The following XYLT1 variants were observed in gnomAD, a reference collection of about 807,000 sequenced individuals.
XYLT1 encodes beta-D-xylosyltransferase 1.
Under a neutral mutation model 91.3 loss-of-function variants are expected in XYLT1, and 36 were observed. The ratio of observed to expected loss-of-function variants is 0.39; its 90% confidence interval spans 0.30 to 0.52. The LOEUF (loss-of-function observed/expected upper bound fraction) is 0.52, where lower values mean the gene tolerates loss of function less well. Ranked by LOEUF, XYLT1 falls within the 20% of genes least tolerant of loss-of-function variation. The probability of loss-of-function intolerance (pLI) is 0.68; values close to 1 mark genes in which losing one functional copy is unlikely to be tolerated. For missense variants in XYLT1, 1,242 were observed against 1,284.5 expected (o/e 0.97, Z 0.51); for synonymous variants, 588 against 532.0 (o/e 1.11, Z -1.45).
At chr16:17,134,421 G>A in intron 9 of XYLT1, 52 bp downstream of exon 9, 1 of 1,600,426 alleles carries the variant, frequency 6.2e-7, no homozygotes, top group Non-Finnish European at 8.5e-7. Flanking sequence ...TGTACCCTGA[G>A]CCTCCCCTCC....
chr16:17,113,104 G>C (rs1410505667), intron 11 of XYLT1, among the ~76,000 whole-genome samples: 2 of 151,870 alleles, frequency 1.3e-5, no homozygotes, highest in African/African-American at 4.8e-5. Context: ...CTCCCAAAGT[G>C]CTGGGATTAC....
In XYLT1 at chr16:17,437,568, A is replaced by G. The variant is rs188955862; in HGVS notation, c.363+32866T>C. ...TATCTACATTGCAATGCTCAGAGTT[A>G]CATGTCTCTTGAAACGCCACCCTGC... On this transcript the variant is annotated intron_variant, in intron 1 of 11. Coordinates refer to ENST00000261381, the MANE Select transcript of XYLT1 (RefSeq NM_022166.4). Among the ~76,000 whole-genome samples the G allele has an allele frequency of 1.5e-3, 229 of 152,306 alleles. 1 individual carries two copies. Among genetic ancestry groups the G allele is most frequent in the African/African-American group, 4.9e-3 (203 of 41,564 alleles).
chr16:17,456,533 G>C (rs564650216), intron 1 of XYLT1, among the ~76,000 whole-genome samples: 2 of 151,816 alleles, frequency 1.3e-5, no homozygotes, highest in Non-Finnish European at 2.9e-5. Flanking sequence ...TAAAGACGAG[G>C]TCCCACTATG....
rs530043874 is a variant in XYLT1 at position 17,127,769 on chromosome 16, A to T, written c.2120T>A (p.Leu707Gln). Residue 707 changes from leucine (L) to glutamine (Q), a missense_variant, in exon 10 of 12, where the codon CTG (leucine) becomes CAG (glutamine). Leu to Gln is a moderately radical substitution (Grantham distance 113). This residue lies in a region of XYLT1 where 511 missense variants were observed against 497.0 expected (regional missense o/e 1.03). Coordinates refer to ENST00000261381, the MANE Select transcript of XYLT1 (RefSeq NM_022166.4). Reference sequence around the variant, plus strand: ...CAGAGTCTCTAGTTTGCTCACAGCCAGATTGGTAGCATGATGCTTGATCAG... The same window carrying T: ...CAGAGTCTCTAGTTTGCTCACAGCCTGATTGGTAGCATGATGCTTGATCAG... ...GFLIKHHATN[L>Q]AVSKLETLET... 1.2e-6 allele frequency: 2 copies of T among 1,614,212 alleles called. No individual in the cohort carries two copies. Among genetic ancestry groups the T allele is most frequent in the African/African-American group, 2.7e-5 (2 of 75,058 alleles).
chr16:17,196,685 T>A (rs1275513410), intron 5 of XYLT1, among the ~76,000 whole-genome samples: 1 of 152,064 alleles, frequency 6.6e-6, no homozygotes, highest in Non-Finnish European at 1.5e-5. Flanking sequence ...GGGAGGAAGA[T>A]CCCCCTCTTC....
At chr16:17,133,023 C>T (rs2030556381) in intron 9 of XYLT1, among the ~76,000 whole-genome samples, 1 of 152,162 alleles carries the variant, frequency 6.6e-6, no homozygotes, top group South Asian at 2.1e-4. Flanking sequence ...GAAACCGAAG[C>T]TCAGAGAGAT....
chr16:17,354,287 T>G (rs1378865753), intron 2 of XYLT1, among the ~76,000 whole-genome samples: 3 of 152,164 alleles, frequency 2.0e-5, no homozygotes, highest in Non-Finnish European at 4.4e-5. Context: ...ATCTGGCCGT[T>G]AAGCAGAGAG....
chr16:17,434,885 G>A (rs970237604), intron 1 of XYLT1, among the ~76,000 whole-genome samples: 1 of 146,318 alleles, frequency 6.8e-6, no homozygotes, highest in South Asian at 2.1e-4. Flanking sequence ...AAAAAAAAAA[G>A]AAGAAGAAGA....
chr16:17,237,663 C>T (rs1356842398), intron 3 of XYLT1, among the ~76,000 whole-genome samples: 3 of 152,214 alleles, frequency 2.0e-5, no homozygotes, highest in East Asian at 3.8e-4. Flanking sequence ...TTCTTACCAG[C>T]GTTTCTACAG....
chr16:17,212,747 T>C (rs1432111400), intron 3 of XYLT1, among the ~76,000 whole-genome samples: 1 of 152,172 alleles, frequency 6.6e-6, no homozygotes, highest in Non-Finnish European at 1.5e-5. Context: ...TTCAGAGCCC[T>C]GGGATATTCT....
Position 17,249,166 on chromosome 16 carries a change from C to T in XYLT1, c.913+9822G>A, listed in dbSNP as rs371326011. On this transcript the variant is annotated intron_variant, in intron 3 of 11. Transcript: ENST00000261381. ...GTTCCTGGCATAGACAGGGGATGCT[C>T]GATGACTAATTGTTGAATGAGGGTA... Among the ~76,000 whole-genome samples, 161 of 152,252 alleles carry T rather than the reference C, an allele frequency of 1.1e-3. 7 individuals are homozygous for T. The South Asian group carries it at 0.032, about 30-fold the overall frequency.
chr16:17,251,235 G>A (rs561770454), intron 3 of XYLT1: 7 of 152,294 alleles, frequency 4.6e-5, no homozygotes, highest in East Asian at 1.9e-4. Context: ...GGGTAAAGAC[G>A]GTTTGTTGCT....
At chr16:17,366,463 G>C (rs1006836906) in intron 1 of XYLT1, among the ~76,000 whole-genome samples, 4 of 152,220 alleles carry the variant, frequency 2.6e-5, no homozygotes, top group Non-Finnish European at 5.9e-5. Context: ...TGGAGGCCAA[G>C]GCTGACGGAT....
chr16:17,398,751 T>C (rs1437476653), intron 1 of XYLT1, among the ~76,000 whole-genome samples: 1 of 150,608 alleles, frequency 6.6e-6, no homozygotes, highest in African/African-American at 2.4e-5. Context: ...AGATACATCA[T>C]GCCCCTCTCT....
intron 2 of XYLT1, among the ~76,000 whole-genome samples, chr16:17,350,267 G>A (rs114323467): frequency 0.011 from 1,742 of 152,344 alleles, 44 homozygotes; most frequent in African/African-American, 0.038. Flanking sequence ...AGGGGGGAAT[G>A]GTGATCTCAA....
chr16:17,195,182 A>T (rs1400419048), intron 5 of XYLT1, among the ~76,000 whole-genome samples: 1 of 152,206 alleles, frequency 6.6e-6, no homozygotes, highest in African/African-American at 2.4e-5. Flanking sequence ...TCTAGTGGGT[A>T]GAGGCCAGAG....
intron 5 of XYLT1, among the ~76,000 whole-genome samples, chr16:17,187,976 G>A (rs1567314204): frequency 6.6e-6 from 1 of 152,032 alleles, no homozygotes; most frequent in Non-Finnish European, 1.5e-5. Flanking sequence ...TCCAGCTCCT[G>A]TTGAAATCCT....
intron 6 of XYLT1, among the ~76,000 whole-genome samples, chr16:17,152,621 G>T (rs1452200044): frequency 6.6e-6 from 1 of 152,188 alleles, no homozygotes; most frequent in African/African-American, 2.4e-5. Context: ...TTAAACATTT[G>T]CTTGTTTATA....
At chr16:17,278,016 C>T (rs2034003724) in intron 2 of XYLT1, among the ~76,000 whole-genome samples, 1 of 152,178 alleles carries the variant, frequency 6.6e-6, no homozygotes, top group Non-Finnish European at 1.5e-5. Context: ...GTTTCCTCCT[C>T]CTCCTGCCCC....
Sources: gnomAD v4.1 joint callset for allele counts (sites outside exome capture counted in the v4.1 genomes callset) on GRCh38, gnomAD v4.1.1 for gene constraint, gnomAD v4.1.1 regional missense constraint, MANE v1.5 for transcripts, NCBI Gene and HGNC (gene_info 2026-07-23, HGNC 2026-07-21) for gene names.